The following SCAPER variants were observed in gnomAD, a reference collection of about 807,000 sequenced individuals.
SCAPER encodes the protein S phase cyclin A-associated protein in the endoplasmic reticulum.
A neutral mutation model predicts 182.2 loss-of-function variants in SCAPER; 98 were observed. The ratio of observed to expected loss-of-function variants is 0.54; its 90% CI spans 0.46 to 0.64. SCAPER has a LOEUF of 0.64. Ranked by LOEUF, SCAPER falls within the 30% of genes least tolerant of loss-of-function variation. The pLI is 0.00. For missense variants in SCAPER, 1,432 were observed against 1,690.0 expected (o/e 0.85, Z 2.68); for synonymous variants, 605 against 564.6 (o/e 1.07, Z -1.01).
intron 20 of SCAPER, among the ~76,000 whole-genome samples, chr15:76,692,137 A>C (rs1191990678): frequency 6.6e-6 from 1 of 152,218 alleles, no homozygotes; most frequent in Non-Finnish European, 1.5e-5. Flanking sequence ...AGCAGACAAA[A>C]ATCAGCATAG....
chr15:76,429,306 C>T (rs1235561741), intron 26 of SCAPER, among the ~76,000 whole-genome samples: 3 of 152,102 alleles, frequency 2.0e-5, no homozygotes, highest in Non-Finnish European at 2.9e-5. Context: ...GAGTGGGGCT[C>T]TGCTAAAAAG....
intron 4 of SCAPER, among the ~76,000 whole-genome samples, chr15:76,847,478 T>C (rs2070231485): frequency 6.6e-6 from 1 of 152,102 alleles, no homozygotes; most frequent in Admixed American, 6.6e-5. Context: ...AGAGTGTAAC[T>C]AGATTATAAT....
At chr15:76,777,208 G>A (rs1328584722) in intron 8 of SCAPER, among the ~76,000 whole-genome samples, 1 of 152,188 alleles carries the variant, frequency 6.6e-6, no homozygotes, top group Non-Finnish European at 1.5e-5. Flanking sequence ...CCAAGAGGAA[G>A]TGGCACATTT....
At chr15:76,402,837 C>T (rs1398566123) in intron 27 of SCAPER, among the ~76,000 whole-genome samples, 1 of 151,916 alleles carries the variant, frequency 6.6e-6, no homozygotes, top group East Asian at 1.9e-4. Flanking sequence ...AATCTCAGGA[C>T]CTCATTCAAG....
intron 25 of SCAPER, among the ~76,000 whole-genome samples, chr15:76,462,720 T>A (rs754921934): frequency 3.3e-5 from 5 of 152,162 alleles, no homozygotes; most frequent in Non-Finnish European, 7.4e-5. Flanking sequence ...TTCATATGAA[T>A]GTAGTAGAAA....
At chr15:76,382,726 A>C (rs921372742) in intron 27 of SCAPER, among the ~76,000 whole-genome samples, 8 of 152,100 alleles carry the variant, frequency 5.3e-5, no homozygotes, top group African/African-American at 1.4e-4. Flanking sequence ...CTGGCTGTTG[A>C]GCATCACTCA....
chr15:76,354,202 TG>T lies in SCAPER; in HGVS notation c.3856-63del. The stretch of plus-strand genomic sequence containing the variant: ...CGCCCCAGCCTGTCCCTCACCCACC[TG>T]CACAGTGTCGGCTAGTACCATGGAA... On this transcript the variant is annotated intron_variant, in intron 29 of 31. Coordinates refer to ENST00000563290, the MANE Select transcript of SCAPER (RefSeq NM_020843.4). The surrounding 1 kb of genome is among the most constrained non-coding windows in gnomAD (Gnocchi z 4.4). The T allele has an allele frequency of 6.7e-7, 1 of 1,499,830 alleles. No individual in the cohort carries two copies. Among genetic ancestry groups the T allele is most frequent in the Non-Finnish European group, 9.0e-7 (1 of 1,114,438 alleles). 92.9% of individuals were successfully genotyped at this position (1,499,830 alleles called of 1,614,324 possible). A position where few individuals can be genotyped will look rare whatever the true frequency, so the allele number is the denominator to read the frequency against.
intron 27 of SCAPER, among the ~76,000 whole-genome samples, chr15:76,392,564 C>A (rs376872437): frequency 0.085 from 5,287 of 62,502 alleles, 283 homozygotes; most frequent in Middle Eastern, 0.19. Flanking sequence ...AGGGAGAGCT[C>A]GTCTACACAC....
intron 3 of SCAPER, among the ~76,000 whole-genome samples, chr15:76,859,331 G>A (rs2071679639): frequency 6.6e-6 from 1 of 152,156 alleles, no homozygotes; most frequent in Non-Finnish European, 1.5e-5. Flanking sequence ...CTAACCTACA[G>A]AGCCACATCC....
intron 27 of SCAPER, among the ~76,000 whole-genome samples, chr15:76,394,101 G>GA (rs1239657218): frequency 1.3e-5 from 2 of 152,202 alleles, no homozygotes; most frequent in African/African-American, 4.8e-5. Flanking sequence ...GTAACAAGAA[G>GA]AAAAGCAAAG....
chr15:76,475,612 C>T (rs1268247191), intron 24 of SCAPER, among the ~76,000 whole-genome samples: 1 of 152,206 alleles, frequency 6.6e-6, no homozygotes, highest in African/African-American at 2.4e-5. Context: ...CATGCCCCAT[C>T]AGCTTTTAAT....
At chr15:76,514,430 A>G (rs1315964292) in intron 23 of SCAPER, among the ~76,000 whole-genome samples, 1 of 152,224 alleles carries the variant, frequency 6.6e-6, no homozygotes, top group Non-Finnish European at 1.5e-5. Context: ...AATCCATCCA[A>G]TTATTAACTA....
At chr15:76,705,072 T>C (rs536334709) in intron 18 of SCAPER, among the ~76,000 whole-genome samples, 30 of 152,268 alleles carry the variant, frequency 2.0e-4, no homozygotes, top group African/African-American at 6.7e-4. Context: ...CTATAAATCA[T>C]GCCGCTATAA....
At chr15:76,740,734 C>A (rs763807750) in intron 15 of SCAPER, among the ~76,000 whole-genome samples, 1 of 151,858 alleles carries the variant, frequency 6.6e-6, no homozygotes, top group Non-Finnish European at 1.5e-5. Context: ...TCCAGCAAAC[C>A]AAAAGATAAA....
At chr15:76,869,473 A>G (rs971903639) in intron 2 of SCAPER, among the ~76,000 whole-genome samples, 4 of 152,204 alleles carry the variant, frequency 2.6e-5, no homozygotes, top group Non-Finnish European at 5.9e-5. Context: ...ACATTTCTCA[A>G]AAGATATACA....
At chr15:76,544,101 T>C (rs1327980363) in intron 23 of SCAPER, among the ~76,000 whole-genome samples, 3 of 152,164 alleles carry the variant, frequency 2.0e-5, no homozygotes, top group Non-Finnish European at 4.4e-5. Flanking sequence ...CATTAGTCAT[T>C]AGGGAAATGT....
At chr15:76,699,941 A>C (rs2058846525) in intron 20 of SCAPER, among the ~76,000 whole-genome samples, 1 of 152,240 alleles carries the variant, frequency 6.6e-6, no homozygotes. Context: ...AAGTCCATGC[A>C]GCTGCCAGAA....
At chr15:76,568,891 A>G (rs1197508699) in intron 23 of SCAPER, among the ~76,000 whole-genome samples, 1 of 151,262 alleles carries the variant, frequency 6.6e-6, no homozygotes, top group Non-Finnish European at 1.5e-5. Context: ...TTTTGATAAT[A>G]TATAAATATA....
chr15:76,839,629 G>C (rs2069273507), intron 5 of SCAPER, among the ~76,000 whole-genome samples: 1 of 152,132 alleles, frequency 6.6e-6, no homozygotes, highest in Admixed American at 6.5e-5. Flanking sequence ...AATAAAGAAT[G>C]GAAAACACAT....
Sources: allele counts gnomAD v4.1 joint callset (sites outside exome capture counted in the v4.1 genomes callset), GRCh38; gene constraint gnomAD v4.1.1; non-coding constraint Gnocchi (gnomAD v3.1); transcripts MANE v1.5; gene names NCBI Gene and HGNC (gene_info 2026-07-23, HGNC 2026-07-21).